PHF8: variants seen among roughly 807,000 people sequenced by gnomAD.
PHF8 encodes the protein histone lysine demethylase PHF8.
A neutral mutation model predicts 74.4 loss-of-function variants in PHF8; 9 were observed. The ratio of observed to expected loss-of-function variants is 0.12; its 90% CI spans 0.07 to 0.21. The LOEUF (loss-of-function observed/expected upper bound fraction) is 0.21, where lower values mean the gene tolerates loss of function less well. PHF8 is among the 10% of genes least tolerant of loss of function. The pLI, the probability that PHF8 is intolerant of heterozygous loss-of-function variation, is 1.00. For missense variants in PHF8, 478 were observed against 816.6 expected, an observed-to-expected ratio of 0.59 and a Z score of 5.05; for synonymous variants, 311 against 316.6, an observed-to-expected ratio of 0.98 and a Z score of 0.19.
intron 2 of PHF8, among the ~76,000 whole-genome samples, chrX:54,025,091 T>C (rs1329237511): frequency 2.7e-5 from 3 of 110,797 alleles, no homozygotes; most frequent in African/African-American, 6.6e-5. Flanking sequence ...TTAGCCAGGA[T>C]GGTCTCGATC....
chrX:53,984,145 C>T (rs1557098780), intron 18 of PHF8, among the ~76,000 whole-genome samples: 1 of 112,311 alleles, frequency 8.9e-6, no homozygotes. Context: ...GCGGGCAGAT[C>T]ACTTGAGGCC....
intron 18 of PHF8, among the ~76,000 whole-genome samples, chrX:53,972,347 AAAAG>A (rs2069236573): frequency 9.3e-6 from 1 of 108,047 alleles, no homozygotes; most frequent in Non-Finnish European, 1.9e-5. Context: ...AAAAAAAAGA[AAAAG>A]AAAACTTCAA....
intron 7 of PHF8, among the ~76,000 whole-genome samples, chrX:54,011,628 T>C (rs1380738688): frequency 9.0e-6 from 1 of 111,535 alleles, no homozygotes; most frequent in African/African-American, 3.3e-5. Flanking sequence ...TCAATACTAG[T>C]AGCCTTAGGA....
rs2064685038 is a variant in PHF8 at position 53,937,463 on chromosome X, A to G, written c.*1695T>C. On this transcript the variant is annotated 3_prime_UTR_variant, in exon 22 of 22. Coordinates refer to ENST00000338154, the MANE Select transcript of PHF8 (RefSeq NM_015107.3). The stretch of plus-strand genomic sequence containing the variant: ...CCTCACTACCCTCTGCTGCCTTGAA[A>G]TCCCCAAAATAAGCAAAGCTGGGCA... 1 of 113,629 alleles carries G rather than the reference A, an allele frequency of 8.8e-6. No individual in the cohort carries two copies. The highest frequency in any genetic ancestry group is 9.2e-5 in the Admixed American group (1 of 10,815). 9.4% of individuals were successfully genotyped at this position (113,629 alleles called of 1,213,427 possible). A position where few individuals can be genotyped will look rare whatever the true frequency, so the allele number is the denominator to read the frequency against.
chrX:53,982,690 T>C (rs2065497774), intron 18 of PHF8, among the ~76,000 whole-genome samples: 1 of 111,751 alleles, frequency 8.9e-6, no homozygotes, highest in Non-Finnish European at 1.9e-5. Context: ...GAACTTCAAG[T>C]CAGGGGGATA....
chrX:53,937,676 A>G lies in PHF8; in HGVS notation c.*1482T>C. ...AGGCAGGGCTATGGAGAAAAGAAAGACAAACTGGAGATACAAAGATGACAA... is the reference window on the plus strand; with the variant it reads ...AGGCAGGGCTATGGAGAAAAGAAAGGCAAACTGGAGATACAAAGATGACAA... On this transcript the variant is annotated 3_prime_UTR_variant, in exon 22 of 22. Coordinates refer to ENST00000338154, the MANE Select transcript of PHF8 (RefSeq NM_015107.3). 1 of 271,681 alleles carries G rather than the reference A, an allele frequency of 3.7e-6. No individual in the cohort carries two copies. Among genetic ancestry groups the G allele is most frequent in the African/African-American group, 2.7e-5 (1 of 37,216 alleles). The allele number at this position is 271,681 out of a possible 1,213,427, so 22.4% of individuals were successfully genotyped here. A position where few individuals can be genotyped will look rare whatever the true frequency, so the allele number is the denominator to read the frequency against.
intron 20 of PHF8, chrX:53,942,872 G>C (rs1333328268): frequency 1.3e-5 from 10 of 750,099 alleles, no homozygotes; most frequent in Non-Finnish European, 1.4e-5. Flanking sequence ...CACTATGGCT[G>C]TATAAAAGGT....
At chrX:53,961,631 T>A (rs373909818) in intron 19 of PHF8, among the ~76,000 whole-genome samples, 19 of 111,167 alleles carry the variant, frequency 1.7e-4, no homozygotes, top group Non-Finnish European at 3.0e-4. Context: ...AATTTTTTTT[T>A]AAAAAGAAAC....
intron 20 of PHF8, among the ~76,000 whole-genome samples, chrX:53,941,690 G>A (rs1164892444): frequency 8.9e-6 from 1 of 112,096 alleles, no homozygotes; most frequent in Non-Finnish European, 1.9e-5. Flanking sequence ...ACAGGCTGTG[G>A]CTACCACGGG....
At chrX:53,968,229 A>C (rs2065242180) in intron 18 of PHF8, among the ~76,000 whole-genome samples, 1 of 112,617 alleles carries the variant, frequency 8.9e-6, no homozygotes, top group Admixed American at 9.4e-5. Flanking sequence ...TTAGAAATTA[A>C]AAATATCTCA....
At chrX:54,006,221 C>T (rs1272499745) in intron 8 of PHF8, among the ~76,000 whole-genome samples, 3 of 111,799 alleles carry the variant, frequency 2.7e-5, no homozygotes, top group Non-Finnish European at 5.6e-5. Flanking sequence ...GTGACTCACG[C>T]CTATAATCCC....
intron 8 of PHF8, among the ~76,000 whole-genome samples, chrX:54,004,529 A>C (rs1557104879): frequency 1.8e-5 from 2 of 112,233 alleles, no homozygotes; most frequent in Non-Finnish European, 3.8e-5. Context: ...AAATCATCAT[A>C]AGAATACCTT....
rs782784088 is a variant in PHF8, at chrX:53,968,711, T to C, written c.2444-5772A>G. Among the ~76,000 whole-genome samples the C allele has an allele frequency of 5.5e-5, 6 of 109,563 alleles. No individual in the cohort carries two copies. In the South Asian group the frequency reaches 2.3e-3, roughly 42 times the overall value. ...ATCACCTGAGGTCAGGAGTTCGAGA[T>C]CAGTCTGGCCAATATGGTGAAACCC... On this transcript the variant is annotated intron_variant, in intron 18 of 21. Coordinates refer to ENST00000338154, the MANE Select transcript of PHF8 (RefSeq NM_015107.3).
Position 53,940,289 on chromosome X carries a change from A to T in PHF8, c.2877T>A (p.Asn959Lys). ...GGTTTGCCTGGGCCATGCCAAAGGCATTGGGACGAGCGGTGTACTCATGGT... is the reference window on the plus strand; with the variant it reads ...GGTTTGCCTGGGCCATGCCAAAGGCTTTGGGACGAGCGGTGTACTCATGGT... ...LADHEYTARP[N>K]AFGMAQANRS... Residue 959 changes from asparagine to lysine, a missense_variant, in exon 21 of 22, where the codon AAT becomes AAA. By Grantham distance (94) the Asn-to-Lys change is moderately conservative. Transcript: ENST00000338154. The T allele has an allele frequency of 8.3e-7, 1 of 1,206,037 alleles. No homozygotes were observed. The highest frequency in any genetic ancestry group is 1.1e-6 in the Non-Finnish European group (1 of 892,289).
chrX:53,941,203 C>A (rs2064745973), intron 20 of PHF8, among the ~76,000 whole-genome samples: 1 of 112,612 alleles, frequency 8.9e-6, no homozygotes, highest in African/African-American at 3.2e-5. Context: ...ATCTATAAAA[C>A]AGGTAAAATA....
chrX:53,968,602 A>T (rs1603306638), intron 18 of PHF8, among the ~76,000 whole-genome samples: 1 of 112,665 alleles, frequency 8.9e-6, no homozygotes, highest in South Asian at 3.6e-4. Context: ...CCAGAAAAAA[A>T]TACAACAATT....
At chrX:53,960,871 G>A (rs189619579) in intron 19 of PHF8, among the ~76,000 whole-genome samples, 21 of 110,634 alleles carry the variant, frequency 1.9e-4, no homozygotes, top group Middle Eastern at 4.7e-3. Flanking sequence ...GTTGCTTCTG[G>A]GTGGCGGACT....
At chrX:54,022,483 G>A in intron 3 of PHF8, 116 bp from the exon 4 acceptor site, 1 of 565,587 alleles carries the variant, frequency 1.8e-6, no homozygotes, top group East Asian at 3.3e-5. Context: ...GGAGCATCTG[G>A]AGTCAATGAG....
At chrX:53,978,551 C>A (rs1451590936) in intron 18 of PHF8, among the ~76,000 whole-genome samples, 2 of 110,822 alleles carry the variant, frequency 1.8e-5, no homozygotes, top group Non-Finnish European at 3.8e-5. Flanking sequence ...GTAATCCCAG[C>A]ACTTTGGGAG....
Sources: allele counts gnomAD v4.1 joint callset (sites outside exome capture counted in the v4.1 genomes callset), GRCh38; gene constraint gnomAD v4.1.1; transcripts MANE v1.5; gene names NCBI Gene and HGNC (gene_info 2026-07-23, HGNC 2026-07-21).